Variants in KLHL8 observed in about 807,000 individuals in gnomAD.
The protein encoded by KLHL8 is kelch like family member 8.
Under a neutral mutation model 63.5 loss-of-function variants are expected in KLHL8, and 38 were observed. That is an observed-to-expected ratio of 0.60 (90% confidence interval 0.46 to 0.78). The LOEUF (loss-of-function observed/expected upper bound fraction) is 0.78, where lower values mean the gene tolerates loss of function less well. KLHL8 is among the 30% of genes least tolerant of loss of function. The pLI is 0.00. For missense variants in KLHL8, 566 were observed against 752.4 expected, an observed-to-expected ratio of 0.75 and a Z score of 2.90; for synonymous variants, 224 against 254.3, an observed-to-expected ratio of 0.88 and a Z score of 1.13.
At position 87,185,362 on chromosome 4, in the gene KLHL8, G is replaced by A; in HGVS notation, c.654C>T (p.Ser218=). 1 of 1,614,132 alleles carries A rather than the reference G, an allele frequency of 6.2e-7. No individual in the cohort carries two copies. Among genetic ancestry groups the A allele is most frequent in the Non-Finnish European group, 8.5e-7 (1 of 1,180,022 alleles). ...VSPQHLHKLL[S]SSDLNIENEK... ...CATTTTCAATATTTAGATCACTGGA[G>A]GACAAAAGCTTATGGAGGTGCTGCG... Residue 218 remains serine, a synonymous_variant, in exon 3 of 10, where the codon TCC becomes TCT. Coordinates refer to ENST00000273963, the MANE Select transcript of KLHL8 (RefSeq NM_020803.5).
chr4:87,210,676 C>G (rs940536659), intron 1 of KLHL8, among the ~76,000 whole-genome samples: 1 of 152,022 alleles, frequency 6.6e-6, no homozygotes, highest in African/African-American at 2.4e-5. Flanking sequence ...CAAACCCCAC[C>G]CCATGTTCCA....
intron 1 of KLHL8, among the ~76,000 whole-genome samples, chr4:87,210,814 C>T (rs1732374473): frequency 6.6e-6 from 1 of 152,212 alleles, no homozygotes; most frequent in Admixed American, 6.5e-5. Flanking sequence ...CTAACTCTTG[C>T]TCATCTTCTA....
chr4:87,222,607 G>A (rs2110063938), upstream of KLHL8, among the ~76,000 whole-genome samples: 1 of 152,006 alleles, frequency 6.6e-6, no homozygotes, highest in South Asian at 2.1e-4. Context: ...TTTTGAGACG[G>A]AGTTTTGCTC....
chr4:87,181,583 C>G (rs1392865303), intron 4 of KLHL8, among the ~76,000 whole-genome samples: 2 of 149,874 alleles, frequency 1.3e-5, no homozygotes, highest in Non-Finnish European at 3.0e-5. Context: ...ATAGGAACAT[C>G]GTATGGAAGG....
chr4:87,195,817 T>A, intron 1 of KLHL8, 127 bp from the exon 2 acceptor site: 1 of 277,458 alleles, frequency 3.6e-6, no homozygotes. Flanking sequence ...ACAAAAACTT[T>A]GTTTTTATGC....
chr4:87,233,051 C>A (rs1256001558), intron 1 of KLHL8, among the ~76,000 whole-genome samples: 2 of 151,446 alleles, frequency 1.3e-5, no homozygotes, highest in Non-Finnish European at 2.9e-5. Context: ...TTTTATTTTT[C>A]TTTTTTGAGA....
At chr4:87,223,743 A>G (rs958697060), upstream of KLHL8, among the ~76,000 whole-genome samples, 2 of 152,238 alleles carry the variant, frequency 1.3e-5, no homozygotes, top group South Asian at 2.1e-4. Context: ...AAAAAGTGAT[A>G]TATCTGTAAC....
chr4:87,205,836 T>C (rs564923291), intron 1 of KLHL8, among the ~76,000 whole-genome samples: 11 of 152,182 alleles, frequency 7.2e-5, no homozygotes, highest in Non-Finnish European at 4.4e-5. Flanking sequence ...CACAGCAAGA[T>C]GGAGTGAAGC....
chr4:87,184,939 C>A (rs1731193678), intron 3 of KLHL8, among the ~76,000 whole-genome samples: 1 of 152,024 alleles, frequency 6.6e-6, no homozygotes, highest in Non-Finnish European at 1.5e-5. Flanking sequence ...TAATTTAGAG[C>A]TATTTCTTCA....
At chr4:87,191,161 AG>A (rs1731469365) in intron 2 of KLHL8, among the ~76,000 whole-genome samples, 2 of 152,056 alleles carry the variant, frequency 1.3e-5, no homozygotes, top group African/African-American at 4.8e-5. Context: ...CTGTATGTAA[AG>A]GGAAATATTT....
At position 87,195,603 on chromosome 4, in the gene KLHL8, G is replaced by T; in HGVS notation, c.-64C>A. ...CATGCCATTTATTTTTTTTCAAAGG[G>T]TAGAGAGAAGGCAGAAGGTAGATGT... On this transcript the variant is annotated 5_prime_UTR_variant, in exon 2 of 10. Transcript: ENST00000273963. The T allele has an allele frequency of 7.3e-7, 1 of 1,371,692 alleles. No homozygotes were observed. The highest frequency in any genetic ancestry group is 1.0e-6 in the Non-Finnish European group (1 of 973,290). The allele number at this position is 1,371,692 out of a possible 1,614,324, so 85.0% of individuals were successfully genotyped here.
intron 8 of KLHL8, among the ~76,000 whole-genome samples, chr4:87,169,178 A>G (rs1377600218): frequency 6.6e-6 from 1 of 152,036 alleles, no homozygotes; most frequent in Admixed American, 6.6e-5. Context: ...GGTAGCACAC[A>G]CCTGTAATCC....
chr4:87,207,977 G>A (rs1732213062), intron 1 of KLHL8: 1 of 774,336 alleles, frequency 1.3e-6, no homozygotes, highest in Non-Finnish European at 2.3e-6. Context: ...TTCAATGTTA[G>A]GGCTGGCATT....
chr4:87,216,344 TATAACCTGTTTCTCTTTCCTTTCCAC>T (rs1732595041), intron 1 of KLHL8, among the ~76,000 whole-genome samples: 1 of 152,180 alleles, frequency 6.6e-6, no homozygotes, highest in Non-Finnish European at 1.5e-5. Flanking sequence ...CTTTCCGCAA[TATAACCTGTTTCTCTTTCCTTTCCAC>T]AAAAAACTAA....
chr4:87,171,795 T>G (rs1042853455), intron 6 of KLHL8, among the ~76,000 whole-genome samples: 1 of 152,206 alleles, frequency 6.6e-6, no homozygotes, highest in Non-Finnish European at 1.5e-5. Context: ...CCTTCTTTAC[T>G]CCATCATTAA....
In KLHL8 at chr4:87,178,583, AC is replaced by A; in HGVS notation, c.989del (p.Gly330ValfsTer23). 6.2e-7 allele frequency: 1 copy of A among 1,607,152 alleles called. No homozygotes were observed. The highest frequency in any genetic ancestry group is 8.5e-7 in the Non-Finnish European group (1 of 1,178,264). The stretch of plus-strand genomic sequence containing the variant: ...AGCATTCAATACTGCGAAAGGGGTC[AC>A]CAGATCCACCTCGACCACCTACACA... ...LFCVGGRGGS[G>X]DPFRSIECYS... is the part of the protein sequence containing the mutation. On this transcript the variant is annotated frameshift_variant, in exon 5 of 10. Coordinates refer to ENST00000273963, the MANE Select transcript of KLHL8 (RefSeq NM_020803.5). LOFTEE classifies it high-confidence loss of function.
chr4:87,175,397 A>G (rs936435410), intron 6 of KLHL8, among the ~76,000 whole-genome samples: 3 of 152,082 alleles, frequency 2.0e-5, no homozygotes, highest in Non-Finnish European at 4.4e-5. Flanking sequence ...GCTGTGTTTC[A>G]TAATGGTTCA....
intron 1 of KLHL8, among the ~76,000 whole-genome samples, chr4:87,236,720 AG>A (rs1733238014): frequency 1.5e-5 from 2 of 135,090 alleles, no homozygotes. Flanking sequence ...GCTGGAGTGC[AG>A]TGACACAATC....
At chr4:87,164,566 C>A (rs1357586633) in intron 8 of KLHL8, among the ~76,000 whole-genome samples, 1 of 152,162 alleles carries the variant, frequency 6.6e-6, no homozygotes, top group Non-Finnish European at 1.5e-5. Context: ...TAATCGCCAT[C>A]ATAATTACAG....
Sources: gnomAD v4.1 joint callset for allele counts (sites outside exome capture counted in the v4.1 genomes callset) on GRCh38, gnomAD v4.1.1 for gene constraint, MANE v1.5 for transcripts, NCBI Gene and HGNC (gene_info 2026-07-23, HGNC 2026-07-21) for gene names.